RABGAP1L: variants seen among roughly 807,000 people sequenced by gnomAD.
RABGAP1L encodes RAB GTPase activating protein 1 like.
A neutral mutation model predicts 137.7 loss-of-function variants in RABGAP1L; 63 were observed. The observed-to-expected ratio is 0.46, with a 90% confidence interval of 0.37 to 0.56. The LOEUF (loss-of-function observed/expected upper bound fraction) is 0.56. RABGAP1L is among the 20% of genes least tolerant of loss of function. The pLI, the probability that RABGAP1L is intolerant of heterozygous loss-of-function variation, is 0.00. For missense variants in RABGAP1L, 1,095 were observed against 1,244.0 expected, an observed-to-expected ratio of 0.88 and a Z score of 1.80; for synonymous variants, 431 against 433.7, an observed-to-expected ratio of 0.99 and a Z score of 0.08.
intron 12 of RABGAP1L, among the ~76,000 whole-genome samples, chr1:174,373,231 G>A (rs1238894026): frequency 6.6e-6 from 1 of 152,164 alleles, no homozygotes; most frequent in African/African-American, 2.4e-5. Flanking sequence ...GTGTGTTCTA[G>A]TTAGAGGCAG....
At chr1:174,861,349 T>C (rs1471880924) in intron 19 of RABGAP1L, among the ~76,000 whole-genome samples, 1 of 152,164 alleles carries the variant, frequency 6.6e-6, no homozygotes, top group African/African-American at 2.4e-5. Flanking sequence ...TTTGTATCCA[T>C]TCATCCATCA....
intron 13 of RABGAP1L, among the ~76,000 whole-genome samples, chr1:174,597,241 T>G (rs182181053): frequency 6.6e-6 from 1 of 152,202 alleles, no homozygotes. Context: ...TAGAATGAGT[T>G]TGGAAGTATT....
intron 19 of RABGAP1L, among the ~76,000 whole-genome samples, chr1:174,814,848 C>T (rs1046759667): frequency 6.6e-6 from 1 of 152,236 alleles, no homozygotes; most frequent in Middle Eastern, 3.4e-3. Context: ...GCCACCACGC[C>T]TGGCTATTTT....
intron 11 of RABGAP1L, among the ~76,000 whole-genome samples, chr1:174,325,546 A>T (rs1183062989): frequency 6.6e-6 from 1 of 152,204 alleles, no homozygotes. Flanking sequence ...GTTCTCTGTG[A>T]CTAAGATGCC....
chr1:174,510,003 T>G (rs1421218099), intron 13 of RABGAP1L, among the ~76,000 whole-genome samples: 3 of 152,202 alleles, frequency 2.0e-5, no homozygotes, highest in East Asian at 3.8e-4. Context: ...GCTCTTGATC[T>G]TCACGTGCTG....
At chr1:174,426,341 G>A (rs938459352) in intron 13 of RABGAP1L, among the ~76,000 whole-genome samples, 1 of 151,996 alleles carries the variant, frequency 6.6e-6, no homozygotes, top group African/African-American at 2.4e-5. Context: ...TTGGTAGCCC[G>A]ATAATATTTG....
At chr1:174,714,883 C>G (rs1680876579) in intron 17 of RABGAP1L, among the ~76,000 whole-genome samples, 1 of 152,166 alleles carries the variant, frequency 6.6e-6, no homozygotes, top group African/African-American at 2.4e-5. Flanking sequence ...GACTAAAATT[C>G]TTAATGTTGA....
intron 13 of RABGAP1L, among the ~76,000 whole-genome samples, chr1:174,539,407 A>T (rs1442712424): frequency 6.6e-6 from 1 of 151,892 alleles, no homozygotes; most frequent in Admixed American, 6.6e-5. Flanking sequence ...CTTGTCATTT[A>T]CATTAGGTAT....
intron 15 of RABGAP1L, among the ~76,000 whole-genome samples, chr1:174,684,811 T>C (rs1158142307): frequency 2.0e-5 from 3 of 152,040 alleles, no homozygotes. Context: ...ACACCATCAC[T>C]ACCACACACA....
At chr1:174,368,322 A>G (rs1684822318) in intron 11 of RABGAP1L, among the ~76,000 whole-genome samples, 1 of 152,232 alleles carries the variant, frequency 6.6e-6, no homozygotes. Context: ...TCCTGTTACA[A>G]ATATGTCTTT....
intron 1 of RABGAP1L, among the ~76,000 whole-genome samples, chr1:174,215,882 G>A (rs926097031): frequency 6.9e-6 from 1 of 144,452 alleles, no homozygotes; most frequent in South Asian, 2.2e-4. Flanking sequence ...ACTCACAGCA[G>A]CCAAGATTTG....
intron 13 of RABGAP1L, among the ~76,000 whole-genome samples, chr1:174,620,366 T>C (rs552000841): frequency 1.3e-4 from 20 of 152,158 alleles, no homozygotes; most frequent in Non-Finnish European, 2.6e-4. Flanking sequence ...TAGTCCATAA[T>C]TGACCACATA....
chr1:174,605,948 A>C (rs1319030109), intron 13 of RABGAP1L, among the ~76,000 whole-genome samples: 2 of 152,168 alleles, frequency 1.3e-5, no homozygotes, highest in Non-Finnish European at 2.9e-5. Context: ...CTCAGTCTTC[A>C]CCCTGAATTT....
intron 19 of RABGAP1L, among the ~76,000 whole-genome samples, chr1:174,939,661 G>T (rs1466545800): frequency 6.6e-6 from 1 of 152,036 alleles, no homozygotes; most frequent in East Asian, 1.9e-4. Flanking sequence ...TTTAGAAATT[G>T]CCCCACAGAA....
chr1:174,615,959 C>G (rs376494875), intron 13 of RABGAP1L, among the ~76,000 whole-genome samples: 1 of 152,206 alleles, frequency 6.6e-6, no homozygotes, highest in Non-Finnish European at 1.5e-5. Flanking sequence ...GGGAGTTACC[C>G]GATTTTCCAG....
chr1:174,231,140 T>G lies in RABGAP1L; in HGVS notation c.332-5T>G, dbSNP rs201651769. ...TTTTGAGTGTTTCTTTTTTTGTTTC[T>G]TCAGAAATTTCTACACCCAGACCAT... is the stretch of plus-strand genomic sequence containing the variant. On this transcript the variant is annotated splice_polypyrimidine_tract_variant and splice_region_variant and intron_variant, in intron 3 of 25. Coordinates refer to ENST00000681986, the MANE Select transcript of RABGAP1L (RefSeq NM_001366446.1). 66 of 1,597,004 alleles carry G rather than the reference T, an allele frequency of 4.1e-5. No individual in the cohort carries two copies. The highest frequency in any genetic ancestry group is 1.3e-5 in the African/African-American group (1 of 74,438).
chr1:174,295,050 C>G (rs1047207059), intron 10 of RABGAP1L, among the ~76,000 whole-genome samples: 4 of 151,872 alleles, frequency 2.6e-5, no homozygotes, highest in African/African-American at 9.7e-5. Context: ...TCCTGGGTAG[C>G]TGGGACTACA....
In RABGAP1L at chr1:174,370,319, A is replaced by G. The variant is rs560990531; in HGVS notation, c.1466-660A>G. On this transcript the variant is annotated intron_variant, in intron 11 of 25. Coordinates refer to ENST00000681986, the MANE Select transcript of RABGAP1L (RefSeq NM_001366446.1). ...CTGCTACTGCTTAAAAGGTTTATAG[A>G]GTTTAGTATTGGTCGTTTTCACCAC... Among the ~76,000 whole-genome samples the G allele has an allele frequency of 7.0e-4, 107 of 152,198 alleles. 1 individual carries two copies. The highest frequency in any genetic ancestry group is 2.4e-3 in the African/African-American group (101 of 41,548).
At chr1:174,434,766 G>T (rs1470748048) in intron 13 of RABGAP1L, among the ~76,000 whole-genome samples, 1 of 151,928 alleles carries the variant, frequency 6.6e-6, no homozygotes, top group Non-Finnish European at 1.5e-5. Context: ...TTTCTTAATG[G>T]TTATTTGTAT....
Sources: gnomAD v4.1 joint callset for allele counts (sites outside exome capture counted in the v4.1 genomes callset) on GRCh38, gnomAD v4.1.1 for gene constraint, MANE v1.5 for transcripts, NCBI Gene and HGNC (gene_info 2026-07-23, HGNC 2026-07-21) for gene names.